C9orf78: variants seen among roughly 807,000 people sequenced by gnomAD.
C9orf78 encodes the protein chromosome 9 open reading frame 78.
A neutral mutation model predicts 37.4 loss-of-function variants in C9orf78; 19 were observed. That is an observed-to-expected ratio of 0.51 (90% CI 0.35 to 0.74). The LOEUF is 0.74. Among genes scored for constraint, C9orf78 ranks in the 30% least tolerant of loss-of-function variants. C9orf78 has a pLI of 0.01. For synonymous variants in C9orf78, 130 were observed against 128.0 expected (o/e 1.02, Z -0.10); for missense variants, 291 against 370.8 (o/e 0.78, Z 1.77).
intron 4 of C9orf78, among the ~76,000 whole-genome samples, chr9:129,833,089 G>A (rs940233425): frequency 1.4e-5 from 2 of 138,216 alleles, no homozygotes; most frequent in Non-Finnish European, 3.1e-5. Flanking sequence ...GTGTGTGTGT[G>A]TATACATACA....
intron 6 of C9orf78, 169 bp from the exon 7 acceptor site, chr9:129,829,710 G>A (rs1588222601): frequency 6.7e-6 from 4 of 598,550 alleles, no homozygotes; most frequent in East Asian, 5.5e-5. Flanking sequence ...GGACTCTCAC[G>A]GCTGTCGGAG....
intron 1 of C9orf78, 106 bp downstream of exon 1, chr9:129,835,033 C>T: frequency 8.5e-6 from 8 of 943,262 alleles, no homozygotes; most frequent in Non-Finnish European, 1.2e-5. Flanking sequence ...AAGGAACCAC[C>T]ACCCGAGCTC....
At position 129,828,020 on chromosome 9, in the gene C9orf78, C is replaced by A. The variant is rs1170996277; in HGVS notation, c.*141G>T. On this transcript the variant is annotated 3_prime_UTR_variant, in exon 9 of 9. Transcript: ENST00000372447. ...GTTGGTCAGGCTGGTCTCAAACTCC[C>A]GACCTCAGGTGATCCGCCCACCTCG... 34 of 510,778 alleles carry A rather than the reference C, an allele frequency of 6.7e-5. 1 individual carries two copies. Among genetic ancestry groups the A allele is most frequent in the South Asian group, 5.7e-4 (34 of 59,142 alleles). 31.6% of individuals were successfully genotyped at this position (510,778 alleles called of 1,614,324 possible).
rs750277430 is a variant in C9orf78 at position 129,831,081 on chromosome 9, A to AC, written c.345-14dup. 1 of 1,585,004 alleles carries AC rather than the reference A, an allele frequency of 6.3e-7. No individual in the cohort carries two copies. Among genetic ancestry groups the AC allele is most frequent in the East Asian group, 2.2e-5 (1 of 44,784 alleles). ...AATGTACTTCATCCTGAAGTGAGAAACCCAGAGGCCTCAGGGAGGGGTGGG... is the reference window on the plus strand; with the variant it reads ...AATGTACTTCATCCTGAAGTGAGAAACCCCAGAGGCCTCAGGGAGGGGTGGG... On this transcript the variant is annotated splice_polypyrimidine_tract_variant and intron_variant, in intron 5 of 8. Transcript: ENST00000372447.
chr9:129,830,705 T>G, intron 6 of C9orf78, 166 bp downstream of exon 6: 1 of 598,362 alleles, frequency 1.7e-6, no homozygotes, highest in East Asian at 2.9e-5. Context: ...AGAGACGGGG[T>G]TCGACCATCT....
At chr9:129,829,068 G>C (rs2031418579) in intron 8 of C9orf78, 137 bp downstream of exon 8, 1 of 715,258 alleles carries the variant, frequency 1.4e-6, no homozygotes, top group Admixed American at 2.0e-5. Context: ...ACATAGTCAT[G>C]GTCCAGAGCA....
At chr9:129,832,292 T>A (rs2031520332) in intron 4 of C9orf78, among the ~76,000 whole-genome samples, 1 of 152,176 alleles carries the variant, frequency 6.6e-6, no homozygotes, top group Non-Finnish European at 1.5e-5. Context: ...TAGTATAATA[T>A]CTGCATCTAA....
intron 4 of C9orf78, among the ~76,000 whole-genome samples, chr9:129,833,015 G>A (rs34453871): frequency 0.07 from 10,403 of 149,192 alleles, 635 homozygotes; most frequent in African/African-American, 0.16. Context: ...GTGTGTGTGT[G>A]TATATGTGTA....
chr9:129,833,273 C>T lies in C9orf78; in HGVS notation c.266+174G>A, dbSNP rs149390897. Among the ~76,000 whole-genome samples the T allele has an allele frequency of 5.3e-3, 801 of 152,040 alleles. 7 individuals are homozygous for T. The highest frequency in any genetic ancestry group is 0.018 in the African/African-American group (755 of 41,464). On this transcript the variant is annotated intron_variant, in intron 4 of 8. Coordinates refer to ENST00000372447, the MANE Select transcript of C9orf78 (RefSeq NM_016520.3). ...GTCTACCAACTTGGCTCTAAGTTAA[C>T]TTTTAAAGACTTTTTGCTTTCTTTG...
Position 129,833,665 on chromosome 9 carries a change from GT to G in C9orf78, c.187del (p.Thr63LeufsTer2). The G allele has an allele frequency of 6.2e-7, 1 of 1,610,322 alleles. No homozygotes were observed. The highest frequency in any genetic ancestry group is 8.5e-7 in the Non-Finnish European group (1 of 1,176,918). ...GAAGACCCCATAACTTACCACTAGA[GT>G]GGTCTCCTCTTGTACCTTCTCTCCC... is the stretch of plus-strand genomic sequence containing the variant. ...LVGEKVQEET[T>X]LVDDPFQMKT... On this transcript the variant is annotated frameshift_variant, in exon 3 of 9. Coordinates refer to ENST00000372447, the MANE Select transcript of C9orf78 (RefSeq NM_016520.3). LOFTEE classifies it high-confidence loss of function.
At chr9:129,830,558 G>C (rs1267138561) in intron 6 of C9orf78, 2 of 327,720 alleles carry the variant, frequency 6.1e-6, no homozygotes, top group African/African-American at 2.2e-5. Context: ...TCTGTCGCCA[G>C]ACTGGAGTGC....
At position 129,829,257 on chromosome 9, in the gene C9orf78, C is replaced by T; in HGVS notation, c.726G>A (p.Glu242=). The change falls in exon 8 of 9, where the codon GAG becomes GAA. Residue 242 remains glutamate, a synonymous_variant. Transcript: ENST00000372447. ...LNAPIRRNKE[E]PKARPLRVGD... ...CTACTCTCAAGGGCCGGGCCTTGGG[C>T]TCTTCTTTGTTTCTCCGTATGGGCG... is the stretch of plus-strand genomic sequence containing the variant. The T allele has an allele frequency of 6.2e-7, 1 of 1,612,568 alleles. No individual in the cohort carries two copies.
At chr9:129,832,972 T>C (rs1243633396) in intron 4 of C9orf78, among the ~76,000 whole-genome samples, 1 of 150,784 alleles carries the variant, frequency 6.6e-6, no homozygotes, top group Admixed American at 6.6e-5. Flanking sequence ...CACACATATA[T>C]ATATGCGTGT....
At chr9:129,830,779 G>C (rs1395016585) in intron 6 of C9orf78, 92 bp downstream of exon 6, 3 of 883,560 alleles carry the variant, frequency 3.4e-6, no homozygotes, top group Non-Finnish European at 5.7e-6. Flanking sequence ...CAAAGTGCTA[G>C]GATTACAGGC....
chr9:129,833,420 T>G (rs769441051), intron 4 of C9orf78, 27 bp downstream of exon 4: 8 of 1,428,812 alleles, frequency 5.6e-6, no homozygotes, highest in African/African-American at 1.4e-5. Flanking sequence ...AAAGGTGAAT[T>G]TGCATCTAAG....
chr9:129,829,398 G>A lies in C9orf78; in HGVS notation c.679+7C>T. 2 of 1,613,004 alleles carry A rather than the reference G, an allele frequency of 1.2e-6. No homozygotes were observed. The highest frequency in any genetic ancestry group is 1.7e-6 in the Non-Finnish European group (2 of 1,179,120). On this transcript the variant is annotated splice_region_variant and intron_variant, in intron 7 of 8. Transcript: ENST00000372447. ...ATGGGGGCAAGACTGCTCTCCGAGG[G>A]GCTTACATCTGTTGTGCTGCACATA... is the stretch of plus-strand genomic sequence containing the variant.
At chr9:129,829,346 C>T (rs1460674851) in intron 7 of C9orf78, 43 bp from the exon 8 acceptor site, 3 of 1,603,168 alleles carry the variant, frequency 1.9e-6, no homozygotes, top group Middle Eastern at 1.7e-4. Flanking sequence ...ACATGAGGTT[C>T]CTAGGGATCT....
chr9:129,835,077 T>C (rs2131018866), intron 1 of C9orf78, 62 bp downstream of exon 1: 1 of 1,265,378 alleles, frequency 7.9e-7, no homozygotes. Flanking sequence ...GCCGAGCCGG[T>C]GGTGAGTCCC....
intron 8 of C9orf78, chr9:129,828,821 C>G (rs1412828875): frequency 5.7e-6 from 2 of 353,218 alleles, no homozygotes; most frequent in Non-Finnish European, 5.4e-6. Context: ...GCCTTGAACT[C>G]TTAGTCTCAA....
Sources: allele counts gnomAD v4.1 joint callset (sites outside exome capture counted in the v4.1 genomes callset), GRCh38; gene constraint gnomAD v4.1.1; transcripts MANE v1.5; gene names NCBI Gene and HGNC (gene_info 2026-07-23, HGNC 2026-07-21).